Variants in RBL1 observed in about 807,000 individuals in gnomAD.
The protein encoded by RBL1 is RB transcriptional corepressor like 1.
A neutral mutation model predicts 123.0 loss-of-function variants in RBL1; 82 were observed. The ratio of observed to expected loss-of-function variants is 0.67; its 90% CI spans 0.56 to 0.80. The LOEUF (loss-of-function observed/expected upper bound fraction) is 0.80. Among genes scored for constraint, RBL1 ranks in the 30% least tolerant of loss-of-function variants. RBL1 has a pLI of 0.00. For missense variants in RBL1, 1,171 were observed against 1,299.6 expected (o/e 0.90, Z 1.52); for synonymous variants, 405 against 441.3 (o/e 0.92, Z 1.03).
At chr20:37,038,751 C>T (rs73620257) in intron 14 of RBL1, among the ~76,000 whole-genome samples, 1 of 150,874 alleles carries the variant, frequency 6.6e-6, no homozygotes, top group African/African-American at 2.4e-5. Flanking sequence ...TACAGGCACC[C>T]GCCACCACAC....
intron 1 of RBL1, 50 bp downstream of exon 1, chr20:37,095,723 G>A (rs980307979): frequency 2.7e-5 from 41 of 1,503,260 alleles, no homozygotes; most frequent in Non-Finnish European, 3.5e-5. Flanking sequence ...CGGGGCAGGG[G>A]TGGGGCCTGG....
chr20:37,008,363 G>A (rs1417964799), intron 19 of RBL1, among the ~76,000 whole-genome samples: 1 of 152,180 alleles, frequency 6.6e-6, no homozygotes, highest in Non-Finnish European at 1.5e-5. Context: ...GCAGGTGACA[G>A]GTGTTCTAAG....
chr20:37,095,945 G>A lies in RBL1; in HGVS notation c.-17C>T, dbSNP rs751071512. On this transcript the variant is annotated 5_prime_UTR_variant, in exon 1 of 22. Transcript: ENST00000373664. ...CTCGAACATCCCTTCAGGCCCCGCG[G>A]GCTGCGCGCCACGGCCCCCGACTTC... 2 of 1,515,604 alleles carry A rather than the reference G, an allele frequency of 1.3e-6. No individual in the cohort carries two copies. The highest frequency in any genetic ancestry group is 1.4e-5 in the African/African-American group (1 of 72,360). The allele number at this position is 1,515,604 out of a possible 1,614,324, so 93.9% of individuals were successfully genotyped here.
intron 2 of RBL1, among the ~76,000 whole-genome samples, chr20:37,072,604 A>G (rs1184995659): frequency 1.3e-5 from 2 of 152,248 alleles, no homozygotes; most frequent in Non-Finnish European, 2.9e-5. Context: ...ACCACTAAAC[A>G]GATCAGCTTT....
intron 15 of RBL1, among the ~76,000 whole-genome samples, chr20:37,033,929 CCTTTTTTTTTTCTTTTT>C (rs912320026): frequency 6.7e-6 from 1 of 149,894 alleles, no homozygotes; most frequent in Non-Finnish European, 1.5e-5. Flanking sequence ...CCCCGGGCCC[CCTTTTTTTTTTCTTTTT>C]CTTTTTTTTT....
At chr20:37,093,633 CTGTT>C (rs2065682862) in intron 1 of RBL1, among the ~76,000 whole-genome samples, 1 of 151,762 alleles carries the variant, frequency 6.6e-6, no homozygotes, top group Non-Finnish European at 1.5e-5. Flanking sequence ...GAGCAAGACC[CTGTT>C]TCTTTCCATT....
At chr20:37,014,432 T>G (rs2064217402) in intron 19 of RBL1, among the ~76,000 whole-genome samples, 1 of 152,144 alleles carries the variant, frequency 6.6e-6, no homozygotes, top group African/African-American at 2.4e-5. Flanking sequence ...CTCCCTGCCC[T>G]GTGCCACCAC....
In RBL1 at chr20:37,062,280, G is replaced by C. The variant is rs1469137473; in HGVS notation, c.897-10C>G. 1 of 1,612,716 alleles carries C rather than the reference G, an allele frequency of 6.2e-7. No homozygotes were observed. The highest frequency in any genetic ancestry group is 1.7e-5 in the Admixed American group (1 of 59,854). On this transcript the variant is annotated splice_polypyrimidine_tract_variant and intron_variant, in intron 7 of 21. Coordinates refer to ENST00000373664, the MANE Select transcript of RBL1 (RefSeq NM_002895.5). Reference sequence around the variant, plus strand: ...CTTATTCACTGCTTTGCTGCAAAGAGAATTATTATAAGCTGTAATACTAAG... The same window carrying C: ...CTTATTCACTGCTTTGCTGCAAAGACAATTATTATAAGCTGTAATACTAAG...
intron 19 of RBL1, 88 bp downstream of exon 19, chr20:37,018,191 A>G: frequency 6.6e-6 from 9 of 1,365,670 alleles, no homozygotes. Flanking sequence ...CTTATGATTC[A>G]CATTTCCATG....
intron 21 of RBL1, among the ~76,000 whole-genome samples, chr20:36,999,547 A>G (rs1600425368): frequency 6.7e-6 from 1 of 150,130 alleles, no homozygotes; most frequent in Non-Finnish European, 1.5e-5. Flanking sequence ...GCCGAGCCAA[A>G]GCTGGACTGT....
intron 14 of RBL1, among the ~76,000 whole-genome samples, chr20:37,038,845 C>T (rs918916002): frequency 8.0e-5 from 12 of 150,648 alleles, no homozygotes; most frequent in Non-Finnish European, 1.2e-4. Context: ...TCAGGTGATC[C>T]GCCTGCCTTG....
chr20:37,044,731 T>TA (rs2064790915), intron 12 of RBL1, among the ~76,000 whole-genome samples: 1 of 152,244 alleles, frequency 6.6e-6, no homozygotes, highest in African/African-American at 2.4e-5. Flanking sequence ...AAGGAGTTTT[T>TA]AAGTTCTTTA....
intron 21 of RBL1, among the ~76,000 whole-genome samples, chr20:37,001,188 C>A (rs2063973491): frequency 6.8e-6 from 1 of 148,034 alleles, no homozygotes; most frequent in Non-Finnish European, 1.5e-5. Context: ...TCTGCCCGGC[C>A]GCCCCTGCCC....
chr20:37,095,780 C>G lies in RBL1; in HGVS notation c.149G>C (p.Ser50Thr), dbSNP rs769710068. ...DDFTAIRGNY[S>T]LEGEVTHWLA... is the part of the protein sequence containing the mutation. Reference sequence around the variant, plus strand: ...CCACCTGCTGCCGCTCACCTCTAGGCTGTAGTTGCCTCGGATGGCAGTAAA... The same window carrying G: ...CCACCTGCTGCCGCTCACCTCTAGGGTGTAGTTGCCTCGGATGGCAGTAAA... Residue 50 changes from serine (S) to threonine (T), a missense_variant, in exon 1 of 22, where the codon AGC becomes ACC. Coordinates refer to ENST00000373664, the MANE Select transcript of RBL1 (RefSeq NM_002895.5). 1.2e-6 allele frequency: 2 copies of G among 1,608,450 alleles called. No homozygotes were observed. Among genetic ancestry groups the G allele is most frequent in the Non-Finnish European group, 1.7e-6 (2 of 1,177,750 alleles).
At chr20:37,035,118 A>T in intron 15 of RBL1, 124 bp downstream of exon 15, 2 of 1,007,634 alleles carry the variant, frequency 2.0e-6, no homozygotes, top group African/African-American at 1.7e-5. Flanking sequence ...AATCTATTTA[A>T]AAAAAAAAAG....
At chr20:37,087,482 G>C (rs561908149) in intron 2 of RBL1, among the ~76,000 whole-genome samples, 2 of 152,318 alleles carry the variant, frequency 1.3e-5, no homozygotes, top group African/African-American at 4.8e-5. Flanking sequence ...AGCTACTTGG[G>C]AGGCTGAAGC....
chr20:36,999,069 G>A (rs1021946941), intron 21 of RBL1, 140 bp from the exon 22 acceptor site: 2 of 765,216 alleles, frequency 2.6e-6, no homozygotes, highest in East Asian at 2.8e-5. Context: ...TTAAAACTTA[G>A]AACAACCTAA....
intron 19 of RBL1, among the ~76,000 whole-genome samples, chr20:37,014,768 C>G (rs1296832179): frequency 1.3e-5 from 2 of 149,686 alleles, no homozygotes; most frequent in Non-Finnish European, 3.0e-5. Flanking sequence ...GGTCTCAAAA[C>G]AAACAAACAA....
At chr20:37,029,933 A>C (rs1419227021) in intron 16 of RBL1, among the ~76,000 whole-genome samples, 1 of 152,242 alleles carries the variant, frequency 6.6e-6, no homozygotes, top group East Asian at 1.9e-4. Context: ...TTGCTGAAAG[A>C]AATTAAAGAA....
Sources: allele counts gnomAD v4.1 joint callset (sites outside exome capture counted in the v4.1 genomes callset), GRCh38; gene constraint gnomAD v4.1.1; transcripts MANE v1.5; gene names NCBI Gene and HGNC (gene_info 2026-07-23, HGNC 2026-07-21).